RAPGEF2: variants seen among roughly 807,000 people sequenced by gnomAD.
RAPGEF2 encodes the protein Rap guanine nucleotide exchange factor 2.
A neutral mutation model predicts 186.7 loss-of-function variants in RAPGEF2; 54 were observed. The ratio of observed to expected loss-of-function variants is 0.29; its 90% confidence interval spans 0.23 to 0.36. RAPGEF2 has a LOEUF of 0.36. RAPGEF2 is among the 10% of genes least tolerant of loss of function. The pLI is 1.00. For missense variants in RAPGEF2, 1,532 were observed against 2,045.0 expected (o/e 0.75, Z 4.84); for synonymous variants, 712 against 705.9 (o/e 1.01, Z -0.14).
At chr4:159,305,010 CATG>C (rs1368720401) in intron 8 of RAPGEF2, among the ~76,000 whole-genome samples, 2 of 152,134 alleles carry the variant, frequency 1.3e-5, no homozygotes, top group African/African-American at 2.4e-5. Flanking sequence ...CTGCAAAAGA[CATG>C]ATTTCATTTT....
intron 4 of RAPGEF2, among the ~76,000 whole-genome samples, chr4:159,215,981 C>T (rs190407510): frequency 1.7e-4 from 26 of 152,290 alleles, no homozygotes; most frequent in Middle Eastern, 3.4e-3. Flanking sequence ...ATCTATACTA[C>T]AAGTGTGTTA....
chr4:159,328,676 A>T (rs893992657), intron 11 of RAPGEF2: 5 of 152,196 alleles, frequency 3.3e-5, no homozygotes, highest in Admixed American at 2.0e-4. Flanking sequence ...TTTGATGTGC[A>T]TGTATAATTT....
chr4:159,323,991 G>T (rs2111164420), intron 11 of RAPGEF2, among the ~76,000 whole-genome samples: 1 of 151,706 alleles, frequency 6.6e-6, no homozygotes, highest in South Asian at 2.1e-4. Context: ...CCACCTCCTG[G>T]GTTCAAGCGA....
At chr4:159,190,755 T>C (rs1748043125) in intron 2 of RAPGEF2, among the ~76,000 whole-genome samples, 1 of 152,146 alleles carries the variant, frequency 6.6e-6, no homozygotes, top group Non-Finnish European at 1.5e-5. Flanking sequence ...TCAGATCATT[T>C]AAGAACTCAC....
In RAPGEF2 at chr4:159,151,126, A is replaced by G. The variant is rs530335273; in HGVS notation, c.70-35516A>G. 3.3e-5 allele frequency among the ~76,000 whole-genome samples: 5 copies of G among 152,342 alleles called. No individual in the cohort carries two copies. In the South Asian group the frequency reaches 8.3e-4, roughly 25 times the overall value. On this transcript the variant is annotated intron_variant, in intron 1 of 29. Transcript: ENST00000691494. ...TTCAAGTATTAGTGTAATTTATGAT[A>G]GAGAGTGTAAATGTTGGTTTCAAAG...
chr4:159,120,047 A>G (rs894383205), intron 1 of RAPGEF2, among the ~76,000 whole-genome samples: 4 of 152,092 alleles, frequency 2.6e-5, no homozygotes, highest in African/African-American at 9.7e-5. Context: ...TTTTTGAGTC[A>G]GAGTCTCTGT....
At chr4:159,270,268 T>A (rs1263761605) in intron 7 of RAPGEF2, among the ~76,000 whole-genome samples, 4 of 152,172 alleles carry the variant, frequency 2.6e-5, no homozygotes, top group Non-Finnish European at 5.9e-5. Context: ...CCTTTAAAAT[T>A]TTAATTGTAT....
intron 1 of RAPGEF2, among the ~76,000 whole-genome samples, chr4:159,127,963 A>G (rs1459859393): frequency 6.6e-6 from 1 of 152,190 alleles, no homozygotes; most frequent in Non-Finnish European, 1.5e-5. Flanking sequence ...GTCAGAAGCA[A>G]AGTCCTGAAT....
At chr4:159,340,981 T>C (rs1210935282) in intron 19 of RAPGEF2, among the ~76,000 whole-genome samples, 1 of 152,216 alleles carries the variant, frequency 6.6e-6, no homozygotes, top group Non-Finnish European at 1.5e-5. Context: ...CACTTACCTG[T>C]AGAGTTTTTA....
intron 4 of RAPGEF2, among the ~76,000 whole-genome samples, chr4:159,219,519 A>C (rs995632522): frequency 6.6e-5 from 10 of 151,558 alleles, no homozygotes; most frequent in Non-Finnish European, 1.2e-4. Flanking sequence ...CCACGTCCGG[A>C]TAATTTTTTG....
chr4:159,130,830 C>T (rs917333514), intron 1 of RAPGEF2, among the ~76,000 whole-genome samples: 4 of 151,976 alleles, frequency 2.6e-5, no homozygotes, highest in African/African-American at 4.8e-5. Flanking sequence ...CCACCACAGC[C>T]TCCCAAGTAG....
intron 7 of RAPGEF2, among the ~76,000 whole-genome samples, chr4:159,259,079 T>A (rs572209183): frequency 6.6e-6 from 1 of 152,234 alleles, no homozygotes; most frequent in Non-Finnish European, 1.5e-5. Context: ...TAGATAAGCA[T>A]GCACTGGCCA....
chr4:159,199,795 T>C (rs1749211271), intron 3 of RAPGEF2, among the ~76,000 whole-genome samples: 1 of 152,204 alleles, frequency 6.6e-6, no homozygotes, highest in African/African-American at 2.4e-5. Context: ...TTTGACTCTG[T>C]CTCTGGGTGT....
intron 25 of RAPGEF2, among the ~76,000 whole-genome samples, chr4:159,348,242 A>AGATAGATAGATAGATG (rs544061786): frequency 1.2e-4 from 17 of 144,956 alleles, no homozygotes; most frequent in African/African-American, 4.4e-4. Flanking sequence ...ATAGATAGAT[A>AGATAGATAGATAGATG]GATGGATGGA....
At chr4:159,169,583 GC>G (rs551622835) in intron 1 of RAPGEF2, among the ~76,000 whole-genome samples, 28 of 150,640 alleles carry the variant, frequency 1.9e-4, no homozygotes, top group Non-Finnish European at 2.7e-4. Context: ...CTCCCCAACA[GC>G]CCCCCCTCCC....
At chr4:159,263,506 G>T (rs11100213) in intron 7 of RAPGEF2, among the ~76,000 whole-genome samples, 41,533 of 151,960 alleles carry the variant, frequency 0.27, 7,205 homozygotes, top group African/African-American at 0.49. Flanking sequence ...AGCCTCTATG[G>T]TTTTTCCTCT....
chr4:159,328,147 A>C (rs1766192525), intron 11 of RAPGEF2: 1 of 152,188 alleles, frequency 6.6e-6, no homozygotes, highest in African/African-American at 2.4e-5. Flanking sequence ...TTATTTGGAA[A>C]TAAAACCATT....
intron 3 of RAPGEF2, among the ~76,000 whole-genome samples, chr4:159,197,559 T>C: frequency 6.6e-6 from 1 of 152,240 alleles, no homozygotes; most frequent in Non-Finnish European, 1.5e-5. Context: ...TCTCTCTCTC[T>C]ATTCCAGGAG....
chr4:159,330,536 A>G (rs778290773), intron 13 of RAPGEF2, 38 bp downstream of exon 13: 69 of 1,448,744 alleles, frequency 4.8e-5, no homozygotes, highest in Non-Finnish European at 6.4e-5. Flanking sequence ...TAAATATGAA[A>G]TGTAAACCTA....
Sources: gnomAD v4.1 joint callset for allele counts (sites outside exome capture counted in the v4.1 genomes callset) on GRCh38, gnomAD v4.1.1 for gene constraint, MANE v1.5 for transcripts, NCBI Gene and HGNC (gene_info 2026-07-23, HGNC 2026-07-21) for gene names.